The following LRRC66 variants were observed in gnomAD, a reference collection of about 807,000 sequenced individuals.
LRRC66 encodes the protein leucine rich repeat containing 66.
A neutral mutation model predicts 24.6 loss-of-function variants in LRRC66; 29 were observed. That is an observed-to-expected ratio of 1.18 (90% CI 0.88 to 1.61). The LOEUF is 1.61. LRRC66 is among the 40% of genes most tolerant of loss of function. The pLI is 0.00. For missense variants in LRRC66, 1,124 were observed against 1,058.0 expected, an observed-to-expected ratio of 1.06 and a Z score of -0.87; for synonymous variants, 411 against 397.6, an observed-to-expected ratio of 1.03 and a Z score of -0.40.
chr4:52,017,444 T>TC lies in LRRC66; in HGVS notation c.169dup (p.Asp57GlyfsTer17). 1.2e-6 allele frequency: 2 copies of TC among 1,613,796 alleles called. No homozygotes were observed. The highest frequency in any genetic ancestry group is 1.7e-6 in the Non-Finnish European group (2 of 1,179,696). Reference sequence around the variant, plus strand: ...CACAGTGGCTGCTGTCTGTGATATGTCCACAGGTATATCACACTTTCCGGT... The same window carrying TC: ...CACAGTGGCTGCTGTCTGTGATATGTCCCACAGGTATATCACACTTTCCGGT... On this transcript the variant is annotated frameshift_variant, in exon 2 of 5. Transcript: ENST00000682860. LOFTEE classifies it high-confidence loss of function.
In LRRC66 at chr4:51,994,429, C is replaced by T; in HGVS notation, c.2593G>A (p.Asp865Asn). The T allele has an allele frequency of 6.2e-7, 1 of 1,614,106 alleles. No homozygotes were observed. The highest frequency in any genetic ancestry group is 1.3e-5 in the African/African-American group (1 of 75,042). Reference protein sequence around the residue: ...TPPCSAEVPSDPDKAAFHERD... With the variant: ...TPPCSAEVPSNPDKAAFHERD... ...TCATGGAAGGCAGCCTTATCAGGATCTGAGGGAACTTCAGCAGAACATGGT... is the reference window on the plus strand; with the variant it reads ...TCATGGAAGGCAGCCTTATCAGGATTTGAGGGAACTTCAGCAGAACATGGT... The change falls in exon 5 of 5, where the codon GAT becomes AAT. Residue 865 changes from aspartate to asparagine, a missense_variant. Asp to Asn is a conservative substitution (Grantham distance 23). Coordinates refer to ENST00000682860, the MANE Select transcript of LRRC66 (RefSeq NM_001024611.3).
rs200281636 is a variant in LRRC66 at position 51,994,920 on chromosome 4, C to G, written c.2102G>C (p.Ser701Thr). The G allele has an allele frequency of 1.9e-6, 3 of 1,614,048 alleles. No individual in the cohort carries two copies. Among genetic ancestry groups the G allele is most frequent in the Non-Finnish European group, 2.5e-6 (3 of 1,180,044 alleles). Residue 701 changes from serine (S) to threonine (T), a missense_variant, in exon 5 of 5, where the codon AGT becomes ACT. Physicochemically the swap from Ser to Thr is moderately conservative, Grantham distance 58 (BLOSUM62 1). Coordinates refer to ENST00000682860, the MANE Select transcript of LRRC66 (RefSeq NM_001024611.3). ...TPSDTCCELE[S>T]DCDSDEGSLF... Reference sequence around the variant, plus strand: ...AGACCCCTCATCAGAGTCACAGTCACTCTCCAACTCACAGCAAGTGTCAGA... The same window carrying G: ...AGACCCCTCATCAGAGTCACAGTCAGTCTCCAACTCACAGCAAGTGTCAGA...
chr4:52,014,552 T>C (rs569360949), intron 2 of LRRC66, among the ~76,000 whole-genome samples: 7 of 152,238 alleles, frequency 4.6e-5, no homozygotes, highest in Non-Finnish European at 1.0e-4. Context: ...GAGTGAAGAA[T>C]TGAAGAACAA....
In LRRC66 at chr4:52,003,339, A is replaced by C. The variant is rs373795334; in HGVS notation, c.550T>G (p.Leu184Val). 54 of 1,613,908 alleles carry C rather than the reference A, an allele frequency of 3.3e-5. No homozygotes were observed. In the East Asian group the frequency reaches 9.4e-4, roughly 28 times the overall value. Residue 184 changes from leucine to valine, a missense_variant, in exon 3 of 5, where the codon TTG (leucine) becomes GTG (valine). Transcript: ENST00000682860. Reference sequence around the variant, plus strand: ...TGAAAATCAGACCACCCTATTTGCAATATCCCATTGAATGACAGATCCAAA... The same window carrying C: ...TGAAAATCAGACCACCCTATTTGCACTATCCCATTGAATGACAGATCCAAA... Reference protein sequence around the residue: ...QSLDLSFNGILQIGWSDFHNC... With the variant: ...QSLDLSFNGIVQIGWSDFHNC...
rs763806659 is a variant in LRRC66, at chr4:51,995,917, CT to C, written c.1104del (p.Glu369ArgfsTer81). 2 of 1,614,068 alleles carry C rather than the reference CT, an allele frequency of 1.2e-6. No individual in the cohort carries two copies. The highest frequency in any genetic ancestry group is 4.5e-5 in the East Asian group (2 of 44,842). On this transcript the variant is annotated frameshift_variant, in exon 5 of 5. Transcript: ENST00000682860. LOFTEE classifies it low-confidence loss of function (END_TRUNC). ...AGAGCCAGGTCCTGGGGAGCGTCCT[CT>C]TTTTTGCCGGCAGCCTGCACATCGC... ...STRDVQAAGK[K>X]EDAPQDLALA...
intron 2 of LRRC66, among the ~76,000 whole-genome samples, chr4:52,006,625 G>A (rs1238720308): frequency 5.4e-4 from 79 of 146,606 alleles, no homozygotes; most frequent in Non-Finnish European, 8.2e-4. Context: ...TGGGTGCAGC[G>A]CACCAGCATG....
At chr4:52,019,002 G>A (rs1228344100) in intron 1 of LRRC66, among the ~76,000 whole-genome samples, 1 of 152,096 alleles carries the variant, frequency 6.6e-6, no homozygotes, top group Non-Finnish European at 1.5e-5. Flanking sequence ...TCAGCCTCCC[G>A]AGTAGCTGGG....
intron 2 of LRRC66, among the ~76,000 whole-genome samples, chr4:52,008,650 C>T (rs6856794): frequency 7.2e-5 from 11 of 151,844 alleles, no homozygotes; most frequent in Admixed American, 1.3e-4. Context: ...ATCTTTAAAA[C>T]GGTCAGCCTA....
intron 3 of LRRC66, among the ~76,000 whole-genome samples, chr4:52,002,103 G>A (rs1227041014): frequency 3.3e-5 from 5 of 152,148 alleles, no homozygotes; most frequent in Non-Finnish European, 5.9e-5. Context: ...TGTGTGGTAA[G>A]TGCAAAATAT....
chr4:52,007,063 T>C (rs1365696623), intron 2 of LRRC66, among the ~76,000 whole-genome samples: 1 of 152,216 alleles, frequency 6.6e-6, no homozygotes, highest in Non-Finnish European at 1.5e-5. Flanking sequence ...CCATGGTACA[T>C]AATGAAATTG....
intron 4 of LRRC66, 25 bp from the exon 5 acceptor site, chr4:51,996,190 ACATTGAGCGAACATTGAAAT>A (rs1237670331): frequency 1.3e-6 from 2 of 1,520,266 alleles, no homozygotes; most frequent in Non-Finnish European, 1.8e-6. Flanking sequence ...AAAAAAATAC[ACATTGAGCGAACATTGAAAT>A]AAGATTTCAG....
At chr4:52,018,202 G>T (rs1045609883) in intron 1 of LRRC66, 41 of 985,178 alleles carry the variant, frequency 4.2e-5, no homozygotes, top group Non-Finnish European at 4.8e-5. Context: ...AAATCATTTA[G>T]ATACATACAA....
At chr4:52,000,503 T>C (rs1030330096) in intron 3 of LRRC66, among the ~76,000 whole-genome samples, 2 of 152,148 alleles carry the variant, frequency 1.3e-5, no homozygotes, top group Non-Finnish European at 2.9e-5. Flanking sequence ...GCAGGACCAG[T>C]GATTTGTTTC....
Position 52,003,295 on chromosome 4 carries a change from C to T in LRRC66, c.594G>A (p.Glu198=), listed in dbSNP as rs576659717. 89 of 1,613,888 alleles carry T rather than the reference C, an allele frequency of 5.5e-5. 2 individuals are homozygous for T. The South Asian group carries it at 9.4e-4, about 17-fold the overall frequency. ...WSDFHNCLQL[E]NLCLKSNKIF... Reference sequence around the variant, plus strand: ...TCTTGTTGCTCTTTAAACAGAGATTCTCCAGTTGCAGGCAGTTGTGAAAAT... The same window carrying T: ...TCTTGTTGCTCTTTAAACAGAGATTTTCCAGTTGCAGGCAGTTGTGAAAAT... The change falls in exon 3 of 5, where the codon GAG becomes GAA. Residue 198 remains glutamate (E), a synonymous_variant. Coordinates refer to ENST00000682860, the MANE Select transcript of LRRC66 (RefSeq NM_001024611.3).
At position 51,995,517 on chromosome 4, in the gene LRRC66, T is replaced by C; in HGVS notation, c.1505A>G (p.Asp502Gly). The part of the protein sequence containing the change: ...GDNTGAGSGN[D>G]GAVYSILQRH... ...CTGGAGAATGGAATAGACTGCACCATCATTTCCACTTCCTGCCCCGGTGTT... is the reference window on the plus strand; with the variant it reads ...CTGGAGAATGGAATAGACTGCACCACCATTTCCACTTCCTGCCCCGGTGTT... The change falls in exon 5 of 5, where the codon GAT becomes GGT. Residue 502 changes from aspartate (D) to glycine (G), a missense_variant. Asp to Gly is a moderately conservative substitution (Grantham distance 94, BLOSUM62 -1). Coordinates refer to ENST00000682860, the MANE Select transcript of LRRC66 (RefSeq NM_001024611.3). The C allele has an allele frequency of 6.2e-7, 1 of 1,614,150 alleles. No individual in the cohort carries two copies. Among genetic ancestry groups the C allele is most frequent in the Non-Finnish European group, 8.5e-7 (1 of 1,180,028 alleles).
intron 2 of LRRC66, among the ~76,000 whole-genome samples, chr4:52,006,806 T>C (rs147482135): frequency 2.8e-4 from 42 of 151,998 alleles, no homozygotes; most frequent in African/African-American, 1.0e-3. Context: ...GTGTACTCTT[T>C]ATGCTCTAAG....
At chr4:52,006,498 C>A (rs1578115655) in intron 2 of LRRC66, among the ~76,000 whole-genome samples, 1 of 137,564 alleles carries the variant, frequency 7.3e-6, no homozygotes, top group South Asian at 2.2e-4. Context: ...GGGAACTGAA[C>A]AATGAGAACA....
intron 1 of LRRC66, chr4:52,018,318 A>G: frequency 2.0e-6 from 2 of 984,910 alleles, no homozygotes; most frequent in Non-Finnish European, 2.4e-6. Context: ...GAAAAAATTC[A>G]AAGTTTTTAA....
At chr4:52,010,277 C>A (rs1327888922) in intron 2 of LRRC66, among the ~76,000 whole-genome samples, 2 of 152,110 alleles carry the variant, frequency 1.3e-5, no homozygotes, top group African/African-American at 2.4e-5. Context: ...AAGGAATGAA[C>A]CTTTCCCCAC....
Sources: allele counts gnomAD v4.1 joint callset (sites outside exome capture counted in the v4.1 genomes callset), GRCh38; gene constraint gnomAD v4.1.1; transcripts MANE v1.5; gene names NCBI Gene and HGNC (gene_info 2026-07-23, HGNC 2026-07-21).